RER1: variants seen among roughly 807,000 people sequenced by gnomAD.
RER1 encodes retention in endoplasmic reticulum sorting receptor 1, also known as protein RER1.
A neutral mutation model predicts 28.3 loss-of-function variants in RER1; 6 were observed. The observed-to-expected ratio is 0.21, with a 90% CI of 0.12 to 0.42. The LOEUF (loss-of-function observed/expected upper bound fraction) is 0.42. Ranked by LOEUF, RER1 falls within the 10% of genes least tolerant of loss-of-function variation. The pLI is 1.00. For missense variants in RER1, 159 were observed against 252.9 expected (o/e 0.63, Z 2.52); for synonymous variants, 110 against 95.9 (o/e 1.15, Z -0.86).
chr1:2,398,611 A>G (rs1570079510), intron 3 of RER1, among the ~76,000 whole-genome samples: 2 of 151,854 alleles, frequency 1.3e-5, no homozygotes, highest in South Asian at 4.2e-4. Flanking sequence ...CTGGTCTTGA[A>G]CTCCTGACCT....
At chr1:2,397,444 G>C (rs930431297) in intron 3 of RER1, among the ~76,000 whole-genome samples, 4 of 152,122 alleles carry the variant, frequency 2.6e-5, no homozygotes, top group African/African-American at 9.7e-5. Context: ...GTATACCCAG[G>C]CCGTCCTGAG....
Position 2,391,860 on chromosome 1 carries a change from C to T in RER1, c.-106C>T, listed in dbSNP as rs1642677708. The T allele has an allele frequency of 1.0e-5, 3 of 285,738 alleles. No homozygotes were observed. Among genetic ancestry groups the T allele is most frequent in the Non-Finnish European group, 1.9e-5 (3 of 155,782 alleles). 17.7% of individuals were successfully genotyped at this position (285,738 alleles called of 1,614,324 possible). On this transcript the variant is annotated 5_prime_UTR_variant, in exon 1 of 7. Coordinates refer to ENST00000605895, the MANE Select transcript of RER1 (RefSeq NM_007033.5). ...GAGCGGAAGTGCTCGCTGCAGCTTC[C>T]CGGAGCCGGAGCGCAGCGCCTGCGG...
In RER1 at chr1:2,395,882, T is replaced by C; in HGVS notation, c.81+11T>C. On this transcript the variant is annotated intron_variant, in intron 2 of 6. Coordinates refer to ENST00000605895, the MANE Select transcript of RER1 (RefSeq NM_007033.5). ...ACAAGACTTGGACAGGTTGGTGGGT[T>C]TTTTAGTAGATGAGTATAAATATTT... 6.3e-7 allele frequency: 1 copy of C among 1,597,438 alleles called. No homozygotes were observed. Among genetic ancestry groups the C allele is most frequent in the East Asian group, 2.2e-5 (1 of 44,814 alleles).
In RER1 at chr1:2,402,264, C is replaced by T. The variant is rs1253581449; in HGVS notation, c.423C>T (p.Phe141=). The change falls in exon 6 of 7, where the codon TTC becomes TTT. Residue 141 remains phenylalanine, a synonymous_variant. Transcript: ENST00000605895. ...VAMVCTFFDA[F]NVPVFWPILV... is the part of the protein sequence containing the mutation. ...TGGTCTGTACTTTCTTCGACGCTTT[C>T]AACGTCCCGGTGTTCTGGCCGATTC... 1 of 1,614,232 alleles carries T rather than the reference C, an allele frequency of 6.2e-7. No homozygotes were observed.
Position 2,404,753 on chromosome 1 carries a change from C to G in RER1, c.*1629C>G, listed in dbSNP as rs144627253. 6.6e-6 allele frequency: 1 copy of G among 152,304 alleles called. No individual in the cohort carries two copies. Among genetic ancestry groups the G allele is most frequent in the Non-Finnish European group, 1.5e-5 (1 of 68,058 alleles). 9.4% of individuals were successfully genotyped at this position (152,304 alleles called of 1,614,324 possible). Reference sequence around the variant, plus strand: ...AGCAGGGAAATGTGGCACACGCCCTCGAGGCATTTTAACACTGCGCTTCAG... The same window carrying G: ...AGCAGGGAAATGTGGCACACGCCCTGGAGGCATTTTAACACTGCGCTTCAG... On this transcript the variant is annotated 3_prime_UTR_variant, in exon 7 of 7. Transcript: ENST00000605895.
chr1:2,396,257 T>C, intron 2 of RER1: 1 of 254,568 alleles, frequency 3.9e-6, no homozygotes, highest in Non-Finnish European at 7.8e-6. Flanking sequence ...TCGGCGGTTC[T>C]GTCCTTGAGG....
intron 4 of RER1, among the ~76,000 whole-genome samples, chr1:2,400,357 CAA>C (rs926709025): frequency 1.3e-5 from 2 of 152,194 alleles, no homozygotes; most frequent in Non-Finnish European, 1.5e-5. Flanking sequence ...TAGAAAATAA[CAA>C]AGAGCCCCTT....
In RER1 at chr1:2,397,433, A is replaced by G. The variant is rs534849658; in HGVS notation, c.186+213A>G. Among the ~76,000 whole-genome samples the G allele has an allele frequency of 2.6e-5, 4 of 152,278 alleles. No individual in the cohort carries two copies. The East Asian group carries it at 5.8e-4, about 22-fold the overall frequency. On this transcript the variant is annotated intron_variant, in intron 3 of 6. Coordinates refer to ENST00000605895, the MANE Select transcript of RER1 (RefSeq NM_007033.5). Reference sequence around the variant, plus strand: ...CCGGAGTCGCCTCGCCAGGCTTCTCAGTATACCCAGGCCGTCCTGAGCCCA... The same window carrying G: ...CCGGAGTCGCCTCGCCAGGCTTCTCGGTATACCCAGGCCGTCCTGAGCCCA...
chr1:2,396,055 G>C, intron 2 of RER1, 184 bp downstream of exon 2: 1 of 608,950 alleles, frequency 1.6e-6, no homozygotes, highest in Non-Finnish European at 2.9e-6. Context: ...TCGGGCTCTG[G>C]GGCCACACGT....
intron 4 of RER1, among the ~76,000 whole-genome samples, chr1:2,399,987 C>A (rs973792234): frequency 1.3e-5 from 2 of 152,224 alleles, no homozygotes; most frequent in African/African-American, 4.8e-5. Flanking sequence ...CTTTGGGCGG[C>A]CTTCTCTGGT....
chr1:2,399,581 C>T (rs2100403556), intron 4 of RER1, 67 bp downstream of exon 4: 2 of 971,198 alleles, frequency 2.1e-6, no homozygotes, highest in South Asian at 1.3e-5. Context: ...TGGGATTGCC[C>T]AGTGTTCTCT....
intron 2 of RER1, chr1:2,396,161 G>A (rs1642765102): frequency 5.2e-6 from 2 of 382,740 alleles, no homozygotes; most frequent in South Asian, 2.6e-5. Context: ...GGACAGATGC[G>A]GCCGTGGCTG....
intron 2 of RER1, 95 bp downstream of exon 2, chr1:2,395,966 T>A: frequency 1.0e-6 from 1 of 976,616 alleles, no homozygotes; most frequent in Non-Finnish European, 1.6e-6. Context: ...GTGTTCCTGA[T>A]GGAGAAGTTA....
chr1:2,405,235 C>G lies in RER1; in HGVS notation c.*2111C>G, dbSNP rs1399631374. On this transcript the variant is annotated 3_prime_UTR_variant, in exon 7 of 7. Transcript: ENST00000605895. ...TGGTCATCAAGTCCTGGGGGATGTG[C>G]TCTGCCCAGCCGCCCTCGGGGAGAG... 2.0e-5 allele frequency: 5 copies of G among 251,178 alleles called. No individual in the cohort carries two copies. Among genetic ancestry groups the G allele is most frequent in the Non-Finnish European group, 3.1e-5 (4 of 127,558 alleles). The allele number at this position is 251,178 out of a possible 1,614,324, so 15.6% of individuals were successfully genotyped here. A position where few individuals can be genotyped will look rare whatever the true frequency, so the allele number is the denominator to read the frequency against.
intron 2 of RER1, 81 bp downstream of exon 2, chr1:2,395,952 G>A (rs2100398677): frequency 9.0e-7 from 1 of 1,107,480 alleles, no homozygotes; most frequent in Non-Finnish European, 1.4e-6. Flanking sequence ...GGATCTGTTT[G>A]CTGGTGTTCC....
intron 4 of RER1, among the ~76,000 whole-genome samples, chr1:2,400,322 T>TTTGTTG (rs1369073640): frequency 6.6e-6 from 1 of 152,208 alleles, no homozygotes; most frequent in Non-Finnish European, 1.5e-5. Context: ...ACAGCCCCTC[T>TTTGTTG]CTGTTGTTGC....
chr1:2,401,979 G>C (rs1642869194), intron 5 of RER1: 1 of 1,461,210 alleles, frequency 6.8e-7, no homozygotes, highest in Admixed American at 2.4e-5. Flanking sequence ...AAGAAGAATT[G>C]TGTCTTTCAA....
intron 6 of RER1, among the ~76,000 whole-genome samples, chr1:2,402,556 G>C: frequency 6.6e-6 from 1 of 152,184 alleles, no homozygotes; most frequent in Non-Finnish European, 1.5e-5. Context: ...GGAGCGGGCG[G>C]GCTCTTGGTG....
intron 3 of RER1, 36 bp downstream of exon 3, chr1:2,397,256 TC>T: frequency 7.1e-7 from 1 of 1,403,880 alleles, no homozygotes; most frequent in East Asian, 2.3e-5. Flanking sequence ...CTTGGCTCTG[TC>T]CACGTTACCT....
Sources: allele counts gnomAD v4.1 joint callset (sites outside exome capture counted in the v4.1 genomes callset), GRCh38; gene constraint gnomAD v4.1.1; transcripts MANE v1.5; gene names NCBI Gene and HGNC (gene_info 2026-07-23, HGNC 2026-07-21).